Variants in ADGRL2 observed in about 807,000 individuals in gnomAD.
ADGRL2 encodes the protein adhesion G protein-coupled receptor L2, also known as calcium-independent alpha-latrotoxin receptor 2.
Under a neutral mutation model 157.4 loss-of-function variants are expected in ADGRL2, and 44 were observed. That is an observed-to-expected ratio of 0.28 (90% CI 0.22 to 0.36). ADGRL2 has a LOEUF of 0.36. Among genes scored for constraint, ADGRL2 ranks in the 10% least tolerant of loss-of-function variants. The probability of loss-of-function intolerance (pLI) is 1.00; values close to 1 mark genes in which losing one functional copy is unlikely to be tolerated. For synonymous variants in ADGRL2, 585 were observed against 624.7 expected (o/e 0.94, Z 0.95); for missense variants, 1,510 against 1,768.9 (o/e 0.85, Z 2.63).
At chr1:81,711,974 G>A (rs2083945156) in intron 1 of ADGRL2, among the ~76,000 whole-genome samples, 1 of 152,156 alleles carries the variant, frequency 6.6e-6, no homozygotes. Context: ...CACTCTAAAG[G>A]AGAATATATC....
intron 1 of ADGRL2, among the ~76,000 whole-genome samples, chr1:81,347,804 G>A (rs1662587878): frequency 6.6e-6 from 1 of 152,134 alleles, no homozygotes; most frequent in Admixed American, 6.5e-5. Flanking sequence ...GCAAAAGCCA[G>A]GAATACAGAT....
chr1:81,812,191 T>C (rs1235500170), intron 1 of ADGRL2, among the ~76,000 whole-genome samples: 1 of 151,872 alleles, frequency 6.6e-6, no homozygotes, highest in African/African-American at 2.4e-5. Flanking sequence ...TCAAATATTT[T>C]TGCTAAACCT....
intron 2 of ADGRL2, among the ~76,000 whole-genome samples, chr1:81,538,626 G>A (rs1239318181): frequency 2.0e-5 from 3 of 152,124 alleles, no homozygotes; most frequent in Non-Finnish European, 2.9e-5. Flanking sequence ...CCTCATACAA[G>A]GGTGTTATGT....
At chr1:81,971,986 ATTTGT>A (rs144957268) in intron 17 of ADGRL2, 68 bp downstream of exon 17, 261,705 of 953,582 alleles carry the variant, frequency 0.27, 38,102 homozygotes, top group Admixed American at 0.3. Context: ...AACAAGGATA[ATTTGT>A]TTTATTGTTT....
At chr1:81,970,202 A>T in intron 15 of ADGRL2, 112 bp from the exon 16 acceptor site, 2 of 773,986 alleles carry the variant, frequency 2.6e-6, no homozygotes, top group Non-Finnish European at 4.5e-6. Flanking sequence ...TACTCTGAAT[A>T]ATGTATTTTT....
intron 2 of ADGRL2, among the ~76,000 whole-genome samples, chr1:81,871,153 C>A (rs1445082098): frequency 7.0e-6 from 1 of 142,496 alleles, no homozygotes; most frequent in African/African-American, 2.6e-5. Context: ...TCTCACTGTT[C>A]AGTTCCCATC....
chr1:81,478,380 C>T (rs1337437408), intron 2 of ADGRL2, among the ~76,000 whole-genome samples: 3 of 152,308 alleles, frequency 2.0e-5, no homozygotes, highest in East Asian at 1.9e-4. Context: ...TAATTAGCAC[C>T]TCATCACTTT....
chr1:81,616,978 G>A (rs542802655), intron 3 of ADGRL2, among the ~76,000 whole-genome samples: 18 of 152,216 alleles, frequency 1.2e-4, no homozygotes, highest in South Asian at 1.0e-3. Flanking sequence ...GCGCCCAGCC[G>A]AGTTCTAGTT....
At chr1:81,620,540 G>A (rs6687163) in intron 3 of ADGRL2, among the ~76,000 whole-genome samples, 4,137 of 152,226 alleles carry the variant, frequency 0.027, 179 homozygotes, top group African/African-American at 0.095. Context: ...TCCAAGTATA[G>A]TCTCATCTAA....
At chr1:81,637,694 G>A (rs2082140450) in intron 3 of ADGRL2, among the ~76,000 whole-genome samples, 1 of 152,118 alleles carries the variant, frequency 6.6e-6, no homozygotes, top group South Asian at 2.1e-4. Flanking sequence ...GTGGAATTTT[G>A]AAGAAACAGA....
At chr1:81,623,852 G>C (rs898730952) in intron 3 of ADGRL2, among the ~76,000 whole-genome samples, 1 of 152,100 alleles carries the variant, frequency 6.6e-6, no homozygotes, top group African/African-American at 2.4e-5. Context: ...GGTCAGGCTG[G>C]TCTCGAACTC....
At chr1:81,773,886 G>C (rs2086472431) in intron 2 of ADGRL2, among the ~76,000 whole-genome samples, 1 of 152,202 alleles carries the variant, frequency 6.6e-6, no homozygotes, top group Admixed American at 6.5e-5. Flanking sequence ...CACTAAGATT[G>C]AATGAGGTCA....
At chr1:81,346,929 G>A (rs1662522084) in intron 1 of ADGRL2, among the ~76,000 whole-genome samples, 1 of 152,106 alleles carries the variant, frequency 6.6e-6, no homozygotes, top group South Asian at 2.1e-4. Context: ...GGCTAAAAGA[G>A]TTTTGAGGTG....
At chr1:81,502,454 C>A (rs2078874434) in intron 2 of ADGRL2, 1 of 1,614,002 alleles carries the variant, frequency 6.2e-7, no homozygotes. Context: ...CCTGGATGAC[C>A]TCTTCGTCTT....
chr1:81,976,119 T>C (rs1660131791), intron 17 of ADGRL2, among the ~76,000 whole-genome samples: 1 of 152,034 alleles, frequency 6.6e-6, no homozygotes, highest in Non-Finnish European at 1.5e-5. Flanking sequence ...ATGTTGGTGG[T>C]AACATAAATT....
At chr1:81,419,099 A>T (rs748438238) in intron 1 of ADGRL2, among the ~76,000 whole-genome samples, 1 of 152,240 alleles carries the variant, frequency 6.6e-6, no homozygotes, top group Non-Finnish European at 1.5e-5. Flanking sequence ...GGAACTTTCT[A>T]TCAATAACTG....
At chr1:81,598,849 C>T (rs907785973) in intron 3 of ADGRL2, among the ~76,000 whole-genome samples, 1 of 152,192 alleles carries the variant, frequency 6.6e-6, no homozygotes, top group Non-Finnish European at 1.5e-5. Context: ...GCTTTATGCA[C>T]CCCTGAGTTT....
intron 3 of ADGRL2, among the ~76,000 whole-genome samples, chr1:81,654,975 T>C (rs534990661): frequency 1.4e-5 from 2 of 148,108 alleles, no homozygotes; most frequent in South Asian, 4.6e-4. Context: ...TTGTTTGAGA[T>C]GGAGTCTCTG....
chr1:81,633,032 C>T (rs1193725834), intron 3 of ADGRL2, among the ~76,000 whole-genome samples: 1 of 152,170 alleles, frequency 6.6e-6, no homozygotes, highest in Admixed American at 6.5e-5. Context: ...TTAGGATATA[C>T]TACAGAGGAG....
Sources: allele counts gnomAD v4.1 joint callset (sites outside exome capture counted in the v4.1 genomes callset), GRCh38; gene constraint gnomAD v4.1.1; transcripts MANE v1.5; gene names NCBI Gene and HGNC (gene_info 2026-07-23, HGNC 2026-07-21).